Variants in PGAP1 observed in about 807,000 individuals in gnomAD.
PGAP1 encodes the protein GPI inositol-deacylase.
Under a neutral mutation model 127.0 loss-of-function variants are expected in PGAP1, and 76 were observed. That is an observed-to-expected ratio of 0.60 (90% CI 0.50 to 0.72). The LOEUF is 0.72. PGAP1 is among the 30% of genes least tolerant of loss of function. The pLI, the probability that PGAP1 is intolerant of heterozygous loss-of-function variation, is 0.00. For missense variants in PGAP1, 982 were observed against 1,071.3 expected (o/e 0.92, Z 1.16); for synonymous variants, 362 against 366.5 (o/e 0.99, Z 0.14).
intron 21 of PGAP1, 184 bp from the exon 22 acceptor site, chr2:196,847,384 T>C: frequency 2.1e-6 from 1 of 476,988 alleles, no homozygotes; most frequent in Non-Finnish European, 3.7e-6. Flanking sequence ...CAAGTGAGCC[T>C]ACTGATCTTT....
chr2:196,873,959 A>G, intron 14 of PGAP1: 1 of 451,166 alleles, frequency 2.2e-6, no homozygotes, highest in South Asian at 4.3e-5. Context: ...TTCCAATCAC[A>G]TCTATCTGCT....
chr2:196,871,027 C>A, intron 18 of PGAP1, 48 bp from the exon 19 acceptor site: 1 of 1,347,750 alleles, frequency 7.4e-7, no homozygotes. Context: ...CCTCTAAACT[C>A]CTTTACATTT....
At position 196,842,772 on chromosome 2, in the gene PGAP1, A is replaced by G; in HGVS notation, c.2579T>C (p.Ile860Thr). The change falls in exon 26 of 27, where the codon ATT becomes ACT. Residue 860 changes from isoleucine to threonine, a missense_variant. Coordinates refer to ENST00000354764, the MANE Select transcript of PGAP1 (RefSeq NM_024989.4). ...DPCKPLAFIL[I>T]PTMAILGNTY... is the part of the protein sequence containing the mutation. ...ATTTCCAAGAATTGCCATAGTCGGA[A>G]TAAGGATAAATGCCAAAGGTTTACA... 6.3e-7 allele frequency: 1 copy of G among 1,589,588 alleles called. No individual in the cohort carries two copies. Among genetic ancestry groups the G allele is most frequent in the East Asian group, 2.3e-5 (1 of 43,980 alleles).
chr2:196,890,740 T>C, intron 10 of PGAP1, 88 bp downstream of exon 10: 1 of 709,846 alleles, frequency 1.4e-6, no homozygotes, highest in Non-Finnish European at 2.4e-6. Context: ...TTAATAGTAA[T>C]ATTTCATAGC....
At chr2:196,883,575 T>C (rs772659204) in intron 12 of PGAP1, among the ~76,000 whole-genome samples, 6 of 152,208 alleles carry the variant, frequency 3.9e-5, no homozygotes, top group Non-Finnish European at 8.8e-5. Context: ...CTATCCACTC[T>C]AATGGCTTTT....
At chr2:196,892,444 T>TA (rs772316960) in intron 8 of PGAP1, 43 bp from the exon 9 acceptor site, 9 of 839,674 alleles carry the variant, frequency 1.1e-5, no homozygotes, top group South Asian at 1.7e-5. Context: ...GTTTTGTTTT[T>TA]ATACTACATA....
chr2:196,919,823 A>C (rs1703128279), intron 2 of PGAP1, among the ~76,000 whole-genome samples, 174 bp downstream of exon 2: 1 of 152,084 alleles, frequency 6.6e-6, no homozygotes, highest in South Asian at 2.1e-4. Flanking sequence ...AGTATTTCTC[A>C]CATTATTCTC....
chr2:196,860,479 G>C (rs1447811599), intron 20 of PGAP1, among the ~76,000 whole-genome samples: 1 of 151,808 alleles, frequency 6.6e-6, no homozygotes, highest in Non-Finnish European at 1.5e-5. Flanking sequence ...GTTCGCAATG[G>C]GCCGAGATCA....
chr2:196,913,449 C>A (rs61371262), intron 3 of PGAP1, among the ~76,000 whole-genome samples: 15,517 of 152,198 alleles, frequency 0.1, 945 homozygotes, highest in African/African-American at 0.17. Flanking sequence ...AAGGCCAAGA[C>A]AATTACAGTT....
In PGAP1 at chr2:196,834,312, A is replaced by C. The variant is rs780428426; in HGVS notation, c.*6922T>G. 3.9e-5 allele frequency: 6 copies of C among 152,448 alleles called. No individual in the cohort carries two copies. Among genetic ancestry groups the C allele is most frequent in the Non-Finnish European group, 8.8e-5 (6 of 67,930 alleles). The allele number at this position is 152,448 out of a possible 1,614,324, so 9.4% of individuals were successfully genotyped here. On this transcript the variant is annotated 3_prime_UTR_variant, in exon 27 of 27. Coordinates refer to ENST00000354764, the MANE Select transcript of PGAP1 (RefSeq NM_024989.4). ...AGGCCTCTACAGCAATAGTTCTGGA[A>C]ATACTAAAGGAAATACCAGTCAACT...
At chr2:196,881,366 T>G (rs1701724719) in intron 12 of PGAP1, among the ~76,000 whole-genome samples, 1 of 152,210 alleles carries the variant, frequency 6.6e-6, no homozygotes, top group Non-Finnish European at 1.5e-5. Flanking sequence ...TGCTTTATAT[T>G]CCTTTGGGTA....
intron 12 of PGAP1, among the ~76,000 whole-genome samples, chr2:196,884,374 A>G (rs917765167): frequency 6.6e-6 from 1 of 152,204 alleles, no homozygotes; most frequent in Admixed American, 6.5e-5. Context: ...AAACCTTAAA[A>G]ATGTTCAAGA....
At chr2:196,854,934 T>C (rs1183586677) in intron 20 of PGAP1, among the ~76,000 whole-genome samples, 1 of 152,000 alleles carries the variant, frequency 6.6e-6, no homozygotes, top group African/African-American at 2.4e-5. Context: ...TGTGCCACCA[T>C]ACCCAGCTAA....
In PGAP1 at chr2:196,837,904, T is replaced by C. The variant is rs558624695; in HGVS notation, c.*3330A>G. 5 of 152,266 alleles carry C rather than the reference T, an allele frequency of 3.3e-5. No homozygotes were observed. The highest frequency in any genetic ancestry group is 1.9e-4 in the East Asian group (1 of 5,186). 9.4% of individuals were successfully genotyped at this position (152,266 alleles called of 1,614,324 possible). A position where few individuals can be genotyped will look rare whatever the true frequency, so the allele number is the denominator to read the frequency against. On this transcript the variant is annotated 3_prime_UTR_variant, in exon 27 of 27. Coordinates refer to ENST00000354764, the MANE Select transcript of PGAP1 (RefSeq NM_024989.4). Reference sequence around the variant, plus strand: ...GATTAATCAATACATGATCAATATATATTGAAGAGACTCAAACTCAATGTT... The same window carrying C: ...GATTAATCAATACATGATCAATATACATTGAAGAGACTCAAACTCAATGTT...
At chr2:196,866,252 T>C (rs972294193) in intron 19 of PGAP1, among the ~76,000 whole-genome samples, 15 of 152,292 alleles carry the variant, frequency 9.8e-5, no homozygotes, top group South Asian at 6.2e-4. Flanking sequence ...CAAAACAATA[T>C]GGTACTGGTA....
rs953662656 is a variant in PGAP1, at chr2:196,890,871, T to A, written c.1130A>T (p.His377Leu). 1.3e-6 allele frequency: 2 copies of A among 1,549,298 alleles called. No homozygotes were observed. Among genetic ancestry groups the A allele is most frequent in the East Asian group, 2.3e-5 (1 of 44,382 alleles). The change falls in exon 10 of 27, where the codon CAT becomes CTT. Residue 377 changes from histidine (H) to leucine (L), a missense_variant. Transcript: ENST00000354764. Reference sequence around the variant, plus strand: ...ATAGACATGAGTGTAGATTTTTCTATGATTTTCAAGAGGAAATGTAAAATA... The same window carrying A: ...ATAGACATGAGTGTAGATTTTTCTAAGATTTTCAAGAGGAAATGTAAAATA... ...KIYFTFPLENHRKIYTHVYCQ... is the reference protein window; with the variant it reads ...KIYFTFPLENLRKIYTHVYCQ...
chr2:196,856,651 CAG>C (rs1267693056), intron 20 of PGAP1, among the ~76,000 whole-genome samples: 1 of 152,200 alleles, frequency 6.6e-6, no homozygotes, highest in African/African-American at 2.4e-5. Flanking sequence ...ATGTCATAAT[CAG>C]AGTCATTCAA....
intron 20 of PGAP1, among the ~76,000 whole-genome samples, chr2:196,852,666 A>G (rs1360806152): frequency 6.6e-6 from 1 of 152,114 alleles, no homozygotes; most frequent in Non-Finnish European, 1.5e-5. Flanking sequence ...AAAAATAGAA[A>G]CAAGATAGAA....
chr2:196,854,403 C>T (rs1419448371), intron 20 of PGAP1, among the ~76,000 whole-genome samples: 1 of 151,818 alleles, frequency 6.6e-6, no homozygotes, highest in African/African-American at 2.4e-5. Context: ...TGATATACTA[C>T]AAAATTACAT....
Sources: allele counts gnomAD v4.1 joint callset (sites outside exome capture counted in the v4.1 genomes callset), GRCh38; gene constraint gnomAD v4.1.1; transcripts MANE v1.5; gene names NCBI Gene and HGNC (gene_info 2026-07-23, HGNC 2026-07-21).